FMNL2: variants seen among roughly 807,000 people sequenced by gnomAD.
FMNL2 encodes the protein formin like 2, also known as formin-like protein 2.
Under a neutral mutation model 130.2 loss-of-function variants are expected in FMNL2, and 51 were observed. The ratio of observed to expected loss-of-function variants is 0.39; its 90% CI spans 0.31 to 0.49. The LOEUF is 0.49. Ranked by LOEUF, FMNL2 falls within the 20% of genes least tolerant of loss-of-function variation. The pLI is 0.85. For synonymous variants in FMNL2, 465 were observed against 467.1 expected, an observed-to-expected ratio of 1.00 and a Z score of 0.06; for missense variants, 977 against 1,316.2, an observed-to-expected ratio of 0.74 and a Z score of 3.99.
chr2:152,538,680 A>G (rs1303958376), intron 2 of FMNL2, among the ~76,000 whole-genome samples: 4 of 152,198 alleles, frequency 2.6e-5, no homozygotes, highest in African/African-American at 9.6e-5. Flanking sequence ...AACTCGGCCT[A>G]CATCCAGGGA....
intron 12 of FMNL2, 139 bp downstream of exon 12, chr2:152,615,139 A>G (rs1395716057): frequency 5.7e-6 from 5 of 883,234 alleles, no homozygotes; most frequent in Non-Finnish European, 8.5e-6. Context: ...GAGCTATCAG[A>G]AGCTGTTCTG....
chr2:152,591,324 T>C (rs1697429376), intron 9 of FMNL2, among the ~76,000 whole-genome samples: 1 of 152,102 alleles, frequency 6.6e-6, no homozygotes, highest in Non-Finnish European at 1.5e-5. Context: ...CTGGTAATAT[T>C]TTATATGGCT....
intron 8 of FMNL2, among the ~76,000 whole-genome samples, chr2:152,580,655 T>A (rs1299346221): frequency 6.6e-6 from 1 of 152,216 alleles, no homozygotes; most frequent in Non-Finnish European, 1.5e-5. Context: ...ATTTTTCATC[T>A]GTATTGTACT....
intron 1 of FMNL2, among the ~76,000 whole-genome samples, chr2:152,354,203 T>A (rs1321776926): frequency 6.6e-6 from 1 of 152,174 alleles, no homozygotes; most frequent in Non-Finnish European, 1.5e-5. Flanking sequence ...AGCAGCTTGT[T>A]CACAATGAGA....
chr2:152,506,626 AG>A (rs1692184986), intron 1 of FMNL2, among the ~76,000 whole-genome samples: 1 of 152,156 alleles, frequency 6.6e-6, no homozygotes. Flanking sequence ...TAGTAATATC[AG>A]GTGTGATGGG....
chr2:152,538,846 T>C (rs1278243060), intron 2 of FMNL2, among the ~76,000 whole-genome samples: 2 of 152,158 alleles, frequency 1.3e-5, no homozygotes, highest in East Asian at 3.9e-4. Flanking sequence ...TGTGGCCAAT[T>C]TGAACAACAG....
intron 1 of FMNL2, among the ~76,000 whole-genome samples, chr2:152,512,781 G>A (rs1692557883): frequency 6.6e-6 from 1 of 152,168 alleles, no homozygotes; most frequent in South Asian, 2.1e-4. Context: ...GTTGTTTTAT[G>A]TGGATGGAGC....
intron 1 of FMNL2, among the ~76,000 whole-genome samples, chr2:152,466,834 G>A (rs543001335): frequency 2.3e-4 from 35 of 152,208 alleles, no homozygotes; most frequent in South Asian, 1.7e-3. Context: ...TGCAGTCCCC[G>A]TGAAGTGCTG....
At chr2:152,460,932 A>G (rs996897796) in intron 1 of FMNL2, among the ~76,000 whole-genome samples, 2 of 152,222 alleles carry the variant, frequency 1.3e-5, no homozygotes, top group African/African-American at 4.8e-5. Flanking sequence ...TAATAGAAAT[A>G]AAGCACACAA....
chr2:152,499,082 G>A (rs933547765), intron 1 of FMNL2, among the ~76,000 whole-genome samples: 10 of 152,202 alleles, frequency 6.6e-5, no homozygotes, highest in Non-Finnish European at 4.4e-5. Flanking sequence ...AGAACCAAGT[G>A]TTAGTAAAGA....
chr2:152,574,207 G>T (rs1238691543), intron 6 of FMNL2, among the ~76,000 whole-genome samples: 1 of 152,206 alleles, frequency 6.6e-6, no homozygotes, highest in Admixed American at 6.5e-5. Context: ...GGAGGCCGAG[G>T]TAGGTGGATC....
intron 2 of FMNL2, 83 bp from the exon 3 acceptor site, chr2:152,542,656 A>G: frequency 7.1e-7 from 1 of 1,407,294 alleles, no homozygotes; most frequent in South Asian, 1.2e-5. Context: ...CATTTTGGTC[A>G]TATTTTGGTA....
intron 5 of FMNL2, among the ~76,000 whole-genome samples, chr2:152,560,269 A>T (rs1423036873): frequency 6.6e-6 from 1 of 152,106 alleles, no homozygotes; most frequent in Non-Finnish European, 1.5e-5. Context: ...ACTATACAAG[A>T]GTGAGCAAGT....
intron 15 of FMNL2, among the ~76,000 whole-genome samples, chr2:152,624,150 C>T (rs1307310325): frequency 1.4e-5 from 2 of 141,268 alleles, no homozygotes; most frequent in African/African-American, 5.3e-5. Flanking sequence ...AGTTTCCTCC[C>T]TTCCTCCCTT....
intron 20 of FMNL2, among the ~76,000 whole-genome samples, chr2:152,630,756 T>C (rs1228976802): frequency 1.3e-5 from 2 of 152,180 alleles, no homozygotes; most frequent in African/African-American, 4.8e-5. Flanking sequence ...ATGTAAAAAC[T>C]GGAGCATAGG....
At chr2:152,414,309 A>G (rs1248122817) in intron 1 of FMNL2, among the ~76,000 whole-genome samples, 1 of 152,192 alleles carries the variant, frequency 6.6e-6, no homozygotes, top group Non-Finnish European at 1.5e-5. Flanking sequence ...GGAAAAGCTC[A>G]TGATTCTTAA....
chr2:152,527,899 C>G (rs565595312), intron 2 of FMNL2, among the ~76,000 whole-genome samples: 1 of 151,978 alleles, frequency 6.6e-6, no homozygotes, highest in South Asian at 2.1e-4. Flanking sequence ...CCAATGATCC[C>G]TTTTCTTTTT....
chr2:152,410,714 T>G (rs1379950636), intron 1 of FMNL2, among the ~76,000 whole-genome samples: 1 of 152,204 alleles, frequency 6.6e-6, no homozygotes, highest in African/African-American at 2.4e-5. Flanking sequence ...GGACTCATGG[T>G]GAATGCTTGA....
At chr2:152,607,035 C>T (rs1424527120) in intron 9 of FMNL2, among the ~76,000 whole-genome samples, 1 of 117,634 alleles carries the variant, frequency 8.5e-6, no homozygotes, top group East Asian at 3.1e-4. Flanking sequence ...ACCATGACTG[C>T]ATTCTTGGAT....
Sources: gnomAD v4.1 joint callset for allele counts (sites outside exome capture counted in the v4.1 genomes callset) on GRCh38, gnomAD v4.1.1 for gene constraint, MANE v1.5 for transcripts, NCBI Gene and HGNC (gene_info 2026-07-23, HGNC 2026-07-21) for gene names.